SDK1: variants seen among roughly 807,000 people sequenced by gnomAD.
The protein encoded by SDK1 is sidekick cell adhesion molecule 1, also known as protein sidekick-1.
Under a neutral mutation model 245.5 loss-of-function variants are expected in SDK1, and 157 were observed. The ratio of observed to expected loss-of-function variants is 0.64; its 90% CI spans 0.56 to 0.73. SDK1 has a LOEUF of 0.73. SDK1 is among the 30% of genes least tolerant of loss of function. The pLI is 0.00. For synonymous variants in SDK1, 1,647 were observed against 1,278.5 expected (o/e 1.29, Z -6.15); for missense variants, 3,583 against 3,002.3 (o/e 1.19, Z -4.52).
At chr7:3,898,121 A>C (rs1468315187) in intron 5 of SDK1, among the ~76,000 whole-genome samples, 1 of 152,220 alleles carries the variant, frequency 6.6e-6, no homozygotes, top group Non-Finnish European at 1.5e-5. Context: ...ACATCCATGA[A>C]TGTAACCTGA....
chr7:3,831,747 G>A (rs991758387), intron 5 of SDK1, among the ~76,000 whole-genome samples: 14 of 151,608 alleles, frequency 9.2e-5, no homozygotes, highest in African/African-American at 1.2e-4. Context: ...TGTAAATATC[G>A]TATCTCATTA....
intron 4 of SDK1, among the ~76,000 whole-genome samples, chr7:3,729,978 T>C (rs1183339071): frequency 6.6e-6 from 1 of 152,110 alleles, no homozygotes; most frequent in Non-Finnish European, 1.5e-5. Context: ...ACATAACATT[T>C]GGAAAACAGT....
At chr7:4,222,927 T>C (rs985648917) in intron 40 of SDK1, among the ~76,000 whole-genome samples, 3 of 151,938 alleles carry the variant, frequency 2.0e-5, no homozygotes, top group Admixed American at 6.6e-5. Context: ...TGGGGCCAAA[T>C]TGAGGCTTTG....
At chr7:4,056,216 A>G (rs1164453126) in intron 19 of SDK1, among the ~76,000 whole-genome samples, 10 of 148,548 alleles carry the variant, frequency 6.7e-5, no homozygotes, top group Admixed American at 6.7e-4. Context: ...GAGCCTGTTT[A>G]TCCTATTTAG....
At chr7:3,693,537 A>G (rs1329067767) in intron 4 of SDK1, among the ~76,000 whole-genome samples, 1 of 152,078 alleles carries the variant, frequency 6.6e-6, no homozygotes, top group Non-Finnish European at 1.5e-5. Flanking sequence ...TTTTCTTTGT[A>G]TCTTCCTGTG....
intron 14 of SDK1, among the ~76,000 whole-genome samples, chr7:4,010,233 G>A (rs892431423): frequency 6.6e-6 from 1 of 152,202 alleles, no homozygotes; most frequent in Non-Finnish European, 1.5e-5. Context: ...TTCATTCCAG[G>A]GCATCAGTCT....
In SDK1 at chr7:3,988,154, T is replaced by TAA. The variant is rs1393196924; in HGVS notation, c.2131+832_2131+833insAA. On this transcript the variant is annotated intron_variant, in intron 14 of 44. Coordinates refer to ENST00000404826, the MANE Select transcript of SDK1 (RefSeq NM_152744.4). ...AATGTTTTTTTTTTTTTTTTTTTTT[T>TAA]TTTACCTCACTCCTGCAGCCACCCA... is the stretch of plus-strand genomic sequence containing the variant. Among the ~76,000 whole-genome samples the TAA allele has an allele frequency of 9.1e-4, 134 of 147,456 alleles. 1 individual carries two copies. The highest frequency in any genetic ancestry group is 3.1e-3 in the African/African-American group (124 of 39,528).
At chr7:3,429,155 C>G (rs1779759821) in intron 1 of SDK1, among the ~76,000 whole-genome samples, 1 of 152,086 alleles carries the variant, frequency 6.6e-6, no homozygotes, top group South Asian at 2.1e-4. Context: ...TAAAATTGTT[C>G]AGGGTACAAG....
intron 4 of SDK1, among the ~76,000 whole-genome samples, chr7:3,687,336 CCA>C (rs1784316776): frequency 6.6e-6 from 1 of 152,048 alleles, no homozygotes; most frequent in African/African-American, 2.4e-5. Context: ...ACTATGTTGG[CCA>C]GGATAGTCTC....
At chr7:3,866,223 T>A (rs1210005290) in intron 5 of SDK1, among the ~76,000 whole-genome samples, 1 of 152,252 alleles carries the variant, frequency 6.6e-6, no homozygotes, top group African/African-American at 2.4e-5. Flanking sequence ...GATTCACTTA[T>A]GCATTCATTA....
intron 4 of SDK1, among the ~76,000 whole-genome samples, chr7:3,691,217 G>T (rs888447507): frequency 6.6e-6 from 1 of 152,040 alleles, no homozygotes; most frequent in South Asian, 2.1e-4. Context: ...CTTTAGATTT[G>T]CAAGAAATAA....
At chr7:3,593,499 C>T (rs578181256) in intron 1 of SDK1, among the ~76,000 whole-genome samples, 130 of 152,286 alleles carry the variant, frequency 8.5e-4, no homozygotes, top group African/African-American at 3.1e-3. Context: ...GAACATCATT[C>T]CTTTGAAGAA....
intron 22 of SDK1, among the ~76,000 whole-genome samples, chr7:4,092,053 G>A (rs13232922): frequency 0.29 from 44,200 of 152,006 alleles, 7,978 homozygotes; most frequent in African/African-American, 0.51. Context: ...GGATCACAGC[G>A]ACAGGGCCCG....
At chr7:3,688,197 G>T (rs1052986798) in intron 4 of SDK1, among the ~76,000 whole-genome samples, 9 of 152,200 alleles carry the variant, frequency 5.9e-5, no homozygotes, top group African/African-American at 1.9e-4. Flanking sequence ...AAACAACTGA[G>T]GCTTTTAAAG....
chr7:3,950,221 C>G (rs1028431754), intron 5 of SDK1, among the ~76,000 whole-genome samples: 2 of 152,194 alleles, frequency 1.3e-5, no homozygotes, highest in African/African-American at 4.8e-5. Flanking sequence ...TGCTTGGACC[C>G]CATCTCATGT....
chr7:3,561,266 C>T (rs1019961028), intron 1 of SDK1, among the ~76,000 whole-genome samples: 11 of 152,214 alleles, frequency 7.2e-5, no homozygotes, highest in Non-Finnish European at 1.5e-4. Context: ...ATCCCTAACA[C>T]CCTCAAAAGA....
chr7:3,796,988 T>C (rs560566303), intron 4 of SDK1, among the ~76,000 whole-genome samples: 1 of 152,012 alleles, frequency 6.6e-6, no homozygotes, highest in African/African-American at 2.4e-5. Flanking sequence ...TTTCCTTTTC[T>C]TTTTCTTTCT....
intron 35 of SDK1, among the ~76,000 whole-genome samples, chr7:4,192,143 A>C (rs1454605086): frequency 3.9e-5 from 6 of 152,226 alleles, no homozygotes; most frequent in African/African-American, 1.2e-4. Flanking sequence ...AGTTGGCCTT[A>C]GTGTGCTTCG....
chr7:3,858,023 A>G (rs1780588936), intron 5 of SDK1, among the ~76,000 whole-genome samples: 1 of 152,190 alleles, frequency 6.6e-6, no homozygotes, highest in African/African-American at 2.4e-5. Flanking sequence ...CCAAATCTAT[A>G]AATTCGGTAA....
Sources: gnomAD v4.1 joint callset for allele counts (sites outside exome capture counted in the v4.1 genomes callset) on GRCh38, gnomAD v4.1.1 for gene constraint, MANE v1.5 for transcripts, NCBI Gene and HGNC (gene_info 2026-07-23, HGNC 2026-07-21) for gene names.